The following COL26A1 variants were observed in gnomAD, a reference collection of about 807,000 sequenced individuals.
COL26A1 encodes collagen alpha-1(XXVI) chain.
Under a neutral mutation model 59.3 loss-of-function variants are expected in COL26A1, and 41 were observed. The ratio of observed to expected loss-of-function variants is 0.69; its 90% confidence interval spans 0.54 to 0.90. The LOEUF (loss-of-function observed/expected upper bound fraction) is 0.90. Among genes scored for constraint, COL26A1 ranks in the 40% least tolerant of loss-of-function variants. The pLI, the probability that COL26A1 is intolerant of heterozygous loss-of-function variation, is 0.00. For synonymous variants in COL26A1, 266 were observed against 256.0 expected (o/e 1.04, Z -0.37); for missense variants, 612 against 602.3 (o/e 1.02, Z -0.17).
chr7:101,435,856 G>A (rs1230067420), intron 2 of COL26A1, among the ~76,000 whole-genome samples: 1 of 152,178 alleles, frequency 6.6e-6, no homozygotes, highest in Non-Finnish European at 1.5e-5. Flanking sequence ...GGAACTCTCC[G>A]GGGCTTCATC....
chr7:101,495,493 C>T (rs1005924304), intron 3 of COL26A1, among the ~76,000 whole-genome samples: 1 of 151,898 alleles, frequency 6.6e-6, no homozygotes, highest in Non-Finnish European at 1.5e-5. Flanking sequence ...ACTGCAAGCT[C>T]CGCCTCCCAG....
At chr7:101,506,531 C>T (rs1362966729) in intron 3 of COL26A1, among the ~76,000 whole-genome samples, 2 of 152,220 alleles carry the variant, frequency 1.3e-5, no homozygotes. Context: ...AGAGGGGCCC[C>T]GAGACCAGGG....
chr7:101,489,830 CTTTCTTTCTTTCTTTCTTTCTTT>C (rs1563008161), intron 3 of COL26A1, among the ~76,000 whole-genome samples: 9 of 11,574 alleles, frequency 7.8e-4, no homozygotes, highest in Admixed American at 9.8e-4. Context: ...TTCTTTCTTT[CTTTCTTTCTTTCTTTCTTTCTTT>C]CTTTCTTTCT....
At chr7:101,442,802 G>A (rs1342339629) in intron 2 of COL26A1, among the ~76,000 whole-genome samples, 1 of 152,174 alleles carries the variant, frequency 6.6e-6, no homozygotes, top group African/African-American at 2.4e-5. Context: ...GTGACTGTGA[G>A]TGTGCATGAG....
intron 3 of COL26A1, among the ~76,000 whole-genome samples, chr7:101,470,630 C>T (rs73712168): frequency 0.02 from 2,970 of 152,036 alleles, 105 homozygotes; most frequent in African/African-American, 0.068. Flanking sequence ...AGGGTGGGGA[C>T]GGGATGTAGA....
chr7:101,449,405 C>T (rs1793276508), intron 3 of COL26A1, among the ~76,000 whole-genome samples: 1 of 152,114 alleles, frequency 6.6e-6, no homozygotes, highest in African/African-American at 2.4e-5. Flanking sequence ...GCCGAGGAGG[C>T]GAGAGTTGCT....
chr7:101,387,724 ATT>A (rs1488978661), intron 1 of COL26A1, among the ~76,000 whole-genome samples: 1 of 127,602 alleles, frequency 7.8e-6, no homozygotes, highest in Non-Finnish European at 1.6e-5. Context: ...TTTAACATAT[ATT>A]TTAATATAAT....
chr7:101,544,010 A>G lies in COL26A1; in HGVS notation c.617A>G (p.Gln206Arg). The G allele has an allele frequency of 6.3e-7, 1 of 1,580,358 alleles. No homozygotes were observed. The highest frequency in any genetic ancestry group is 8.6e-7 in the Non-Finnish European group (1 of 1,163,640). ...CTTCTCTCCCCAGGGCCCCCGGGGC[A>G]GACAGGACCACCAGGGCCTGCAGGC... is the stretch of plus-strand genomic sequence containing the variant. ...RPTGPAGPPG[Q>R]TGPPGPAGPP... is the part of the protein sequence containing the mutation. The change falls in exon 6 of 13, where the codon CAG becomes CGG. Residue 206 changes from glutamine to arginine, a missense_variant. Transcript: ENST00000313669.
intron 3 of COL26A1, among the ~76,000 whole-genome samples, chr7:101,454,268 C>CTCT (rs1793413889): frequency 7.3e-6 from 1 of 137,348 alleles, no homozygotes; most frequent in Non-Finnish European, 1.5e-5. Context: ...TCTTTTCTTT[C>CTCT]TTTTTTTTTT....
chr7:101,469,495 CTT>C (rs36116265), intron 3 of COL26A1, among the ~76,000 whole-genome samples: 183 of 145,098 alleles, frequency 1.3e-3, no homozygotes, highest in Middle Eastern at 3.6e-3. Context: ...CGATTTCTCT[CTT>C]TTTTTTTTTT....
chr7:101,492,053 T>A (rs1794472139), intron 3 of COL26A1, among the ~76,000 whole-genome samples: 1 of 152,120 alleles, frequency 6.6e-6, no homozygotes, highest in African/African-American at 2.4e-5. Context: ...TGGGATGGAA[T>A]GATGAGGGCA....
At chr7:101,555,044 C>T (rs1035493122) in intron 11 of COL26A1, among the ~76,000 whole-genome samples, 5 of 152,188 alleles carry the variant, frequency 3.3e-5, no homozygotes, top group Non-Finnish European at 5.9e-5. Context: ...GCAAAAGGCA[C>T]CCATTCTGCT....
chr7:101,451,766 A>G (rs1258300163), intron 3 of COL26A1, among the ~76,000 whole-genome samples: 1 of 147,110 alleles, frequency 6.8e-6, no homozygotes, highest in Non-Finnish European at 1.5e-5. Context: ...GTGCAGTGGC[A>G]CAGTCTCCAC....
At chr7:101,416,118 G>A (rs988902940) in intron 1 of COL26A1, among the ~76,000 whole-genome samples, 13 of 143,032 alleles carry the variant, frequency 9.1e-5, no homozygotes, top group African/African-American at 3.2e-4. Context: ...GTTTAGCAGG[G>A]CATGGTGGCA....
At chr7:101,430,999 G>A (rs745448989) in intron 2 of COL26A1, among the ~76,000 whole-genome samples, 17 of 151,514 alleles carry the variant, frequency 1.1e-4, no homozygotes, top group Admixed American at 8.6e-4. Flanking sequence ...ATGGGGTTTC[G>A]CCATGTTGGC....
chr7:101,545,317 C>T, intron 6 of COL26A1, 21 bp from the exon 7 acceptor site: 1 of 1,545,844 alleles, frequency 6.5e-7, no homozygotes, highest in South Asian at 1.2e-5. Context: ...GCCACAGTGA[C>T]TGTTCTTTTC....
chr7:101,394,876 T>C (rs77441384), intron 1 of COL26A1, among the ~76,000 whole-genome samples: 4 of 140,820 alleles, frequency 2.8e-5, no homozygotes, highest in African/African-American at 5.2e-5. Flanking sequence ...TTTCTTTTTT[T>C]TTTTTTTTTT....
intron 2 of COL26A1, among the ~76,000 whole-genome samples, chr7:101,443,286 C>A (rs1584411664): frequency 1.3e-5 from 2 of 152,236 alleles, no homozygotes; most frequent in South Asian, 4.2e-4. Context: ...CCTCCTGTCC[C>A]AGCTGCACAC....
intron 3 of COL26A1, among the ~76,000 whole-genome samples, chr7:101,505,585 T>C (rs1299264097): frequency 3.9e-5 from 6 of 152,200 alleles, no homozygotes; most frequent in Non-Finnish European, 7.4e-5. Flanking sequence ...GGTAGTCCGA[T>C]GTTCGAGGGC....
Sources: gnomAD v4.1 joint callset for allele counts (sites outside exome capture counted in the v4.1 genomes callset) on GRCh38, gnomAD v4.1.1 for gene constraint, MANE v1.5 for transcripts, NCBI Gene and HGNC (gene_info 2026-07-23, HGNC 2026-07-21) for gene names.